The following C9orf85 variants were observed in gnomAD, a reference collection of about 807,000 sequenced individuals.
C9orf85 encodes chromosome 9 open reading frame 85, also known as uncharacterized protein C9orf85.
C9orf85 carries 16 observed loss-of-function variants against 14.9 expected under a neutral mutation model. That is an observed-to-expected ratio of 1.08 (90% confidence interval 0.73 to 1.63). C9orf85 has a LOEUF of 1.63. Among genes scored for constraint, C9orf85 ranks in the 40% most tolerant of loss-of-function variants. The probability of loss-of-function intolerance (pLI) is 0.00; values close to 1 mark genes in which losing one functional copy is unlikely to be tolerated. For missense variants in C9orf85, 172 were observed against 186.1 expected, an observed-to-expected ratio of 0.92 and a Z score of 0.44; for synonymous variants, 45 against 56.8, an observed-to-expected ratio of 0.79 and a Z score of 0.93.
At chr9:71,915,372 G>T (rs1827623256) in intron 1 of C9orf85, among the ~76,000 whole-genome samples, 1 of 151,710 alleles carries the variant, frequency 6.6e-6, no homozygotes, top group Non-Finnish European at 1.5e-5. Context: ...GTAGAGATGG[G>T]GTTTCACTAT....
chr9:71,955,256 CAG>C (rs1367048170), intron 2 of C9orf85, among the ~76,000 whole-genome samples: 2 of 152,208 alleles, frequency 1.3e-5, no homozygotes, highest in South Asian at 2.1e-4. Flanking sequence ...TCAAGGAAAC[CAG>C]AGTCTCCTTA....
chr9:71,943,064 A>G (rs1025772748), intron 1 of C9orf85, among the ~76,000 whole-genome samples: 4 of 152,298 alleles, frequency 2.6e-5, no homozygotes, highest in East Asian at 1.9e-4. Flanking sequence ...CTACTTTTAA[A>G]TATGATTAAA....
chr9:71,926,147 C>T (rs1218307117), intron 1 of C9orf85, among the ~76,000 whole-genome samples: 1 of 152,198 alleles, frequency 6.6e-6, no homozygotes, highest in Non-Finnish European at 1.5e-5. Flanking sequence ...TCTGAATTCA[C>T]TTCCAAAGCA....
At chr9:71,983,687 A>C (rs1823150425), downstream of C9orf85, 1 of 152,198 alleles carries the variant, frequency 6.6e-6, no homozygotes, top group South Asian at 2.1e-4. Context: ...TAGAATTGGA[A>C]GGCATGTAAA....
intron 2 of C9orf85, among the ~76,000 whole-genome samples, chr9:71,961,037 C>T (rs1250317861): frequency 6.6e-6 from 1 of 151,568 alleles, no homozygotes; most frequent in African/African-American, 2.4e-5. Context: ...CTCAGCCTCC[C>T]GAGTACCTGG....
At chr9:71,985,064 T>C (rs528235979), downstream of C9orf85, 1 of 152,382 alleles carries the variant, frequency 6.6e-6, no homozygotes, top group South Asian at 2.1e-4. Flanking sequence ...CATCAAGTAC[T>C]GGTCCTCGTG....
At chr9:71,938,550 G>C (rs1246658508) in intron 1 of C9orf85, among the ~76,000 whole-genome samples, 1 of 151,840 alleles carries the variant, frequency 6.6e-6, no homozygotes, top group Non-Finnish European at 1.5e-5. Flanking sequence ...AATAAAACAA[G>C]AACATGAACT....
chr9:71,972,035 A>G (rs1822887998), intron 3 of C9orf85, among the ~76,000 whole-genome samples: 1 of 151,606 alleles, frequency 6.6e-6, no homozygotes, highest in Admixed American at 6.6e-5. Flanking sequence ...CTTAAGTTGT[A>G]TGTCAAACTA....
At chr9:71,969,056 G>A (rs1822784220) in intron 2 of C9orf85, among the ~76,000 whole-genome samples, 1 of 152,158 alleles carries the variant, frequency 6.6e-6, no homozygotes, top group Admixed American at 6.5e-5. Flanking sequence ...CTGGCGGGAA[G>A]GTTGTTTACT....
At chr9:71,957,913 G>A (rs1449148623) in intron 2 of C9orf85, among the ~76,000 whole-genome samples, 1 of 152,166 alleles carries the variant, frequency 6.6e-6, no homozygotes, top group Non-Finnish European at 1.5e-5. Context: ...GAATTGGGAT[G>A]TAGAAGTAGC....
At chr9:71,969,145 T>A (rs1822788117) in intron 2 of C9orf85, among the ~76,000 whole-genome samples, 1 of 152,138 alleles carries the variant, frequency 6.6e-6, no homozygotes. Flanking sequence ...CATACTGACA[T>A]ACTGATTCTT....
chr9:71,917,871 G>A (rs1589243602), intron 1 of C9orf85, among the ~76,000 whole-genome samples: 1 of 152,214 alleles, frequency 6.6e-6, no homozygotes, highest in East Asian at 1.9e-4. Flanking sequence ...GTCAAAAATA[G>A]GCAAACAAAC....
At chr9:71,949,456 C>T (rs550657098) in intron 2 of C9orf85, among the ~76,000 whole-genome samples, 46 of 152,008 alleles carry the variant, frequency 3.0e-4, no homozygotes, top group African/African-American at 9.2e-4. Flanking sequence ...TGTTTTCTCG[C>T]GACAGAGCAA....
chr9:71,933,278 A>G (rs1217692230), intron 1 of C9orf85, among the ~76,000 whole-genome samples: 1 of 152,194 alleles, frequency 6.6e-6, no homozygotes, highest in Non-Finnish European at 1.5e-5. Context: ...AAGAACTCCA[A>G]GTTAGGTGAA....
At chr9:71,936,265 G>C (rs1046638866) in intron 1 of C9orf85, among the ~76,000 whole-genome samples, 6 of 152,040 alleles carry the variant, frequency 3.9e-5, no homozygotes, top group African/African-American at 1.4e-4. Context: ...ACATAGTTTT[G>C]GATGTAATCT....
rs200136300 is a variant in C9orf85 at position 71,972,736 on chromosome 9, T to G, written c.368T>G (p.Leu123Arg). 2.5e-6 allele frequency: 4 copies of G among 1,604,680 alleles called. No individual in the cohort carries two copies. In the African/African-American group the frequency reaches 4.0e-5, roughly 16 times the overall value. ...AAAATAGAACATACTGAAAATAATC[T>G]AAGTTCCAACCATAGAAGAAGCTGC... ...TEKIEHTENN[L>R]SSNHRRSCRR... The change falls in exon 4 of 4, where the codon CTA (leucine) becomes CGA (arginine). Residue 123 changes from leucine to arginine, a missense_variant. Transcript: ENST00000334731.
intron 3 of C9orf85, 127 bp downstream of exon 3, chr9:71,971,745 A>G (rs1564101788): frequency 2.1e-5 from 12 of 570,982 alleles, no homozygotes; most frequent in Non-Finnish European, 3.3e-5. Flanking sequence ...AGGCCAAGGC[A>G]GGTGGATCAC....
At chr9:71,945,418 A>T (rs535405947) in intron 1 of C9orf85, among the ~76,000 whole-genome samples, 1 of 152,366 alleles carries the variant, frequency 6.6e-6, no homozygotes, top group Admixed American at 6.5e-5. Flanking sequence ...GGGACTCTCC[A>T]TCTATGTCCA....
At chr9:71,981,871 A>G (rs1028623491) in intron 3 of C9orf85, among the ~76,000 whole-genome samples, 1 of 152,138 alleles carries the variant, frequency 6.6e-6, no homozygotes, top group Admixed American at 6.5e-5. Flanking sequence ...CATAGTGATA[A>G]TTGTCTCTAT....
Sources: allele counts gnomAD v4.1 joint callset (sites outside exome capture counted in the v4.1 genomes callset), GRCh38; gene constraint gnomAD v4.1.1; transcripts MANE v1.5; gene names NCBI Gene and HGNC (gene_info 2026-07-23, HGNC 2026-07-21).